The following BTBD9 variants were observed in gnomAD, a reference collection of about 807,000 sequenced individuals.
BTBD9 encodes the protein BTB/POZ domain-containing protein 9.
In BTBD9, 49 loss-of-function variants were observed where a neutral mutation model predicts 64.3. The observed-to-expected ratio is 0.76, with a 90% CI of 0.61 to 0.97. The LOEUF (loss-of-function observed/expected upper bound fraction) is 0.97, where lower values mean the gene tolerates loss of function less well. BTBD9 is among the 50% of genes least tolerant of loss of function. The pLI, the probability that BTBD9 is intolerant of heterozygous loss-of-function variation, is 0.00. For synonymous variants in BTBD9, 260 were observed against 274.7 expected, an observed-to-expected ratio of 0.95 and a Z score of 0.53; for missense variants, 598 against 762.1, an observed-to-expected ratio of 0.78 and a Z score of 2.53.
chr6:38,577,599 C>A lies in BTBD9; in HGVS notation c.1154+1G>T, dbSNP rs1179218838. On this transcript the variant is annotated splice_donor_variant, in intron 6 of 10. Transcript: ENST00000481247. LOFTEE classifies it high-confidence loss of function. ...TCATTTATTAACCACTGAAAACTAA[C>A]CTGCAGACACGGGCTGGAAAATATA... The A allele has an allele frequency of 6.2e-7, 1 of 1,604,174 alleles. No individual in the cohort carries two copies. The highest frequency in any genetic ancestry group is 1.1e-5 in the South Asian group (1 of 90,170).
intron 1 of BTBD9, among the ~76,000 whole-genome samples, chr6:38,609,361 C>T (rs546774003): frequency 6.6e-6 from 1 of 152,064 alleles, no homozygotes; most frequent in Non-Finnish European, 1.5e-5. Flanking sequence ...CAGGGCAAGA[C>T]CTTGTCTCAA....
intron 6 of BTBD9, among the ~76,000 whole-genome samples, chr6:38,518,602 A>G (rs567529046): frequency 1.3e-5 from 2 of 152,382 alleles, no homozygotes; most frequent in African/African-American, 4.8e-5. Context: ...TCTAAAAAAC[A>G]GAAAAGCCCA....
chr6:38,342,008 C>T (rs1406686283), intron 7 of BTBD9, among the ~76,000 whole-genome samples: 2 of 152,158 alleles, frequency 1.3e-5, no homozygotes, highest in Non-Finnish European at 2.9e-5. Context: ...GAAAGAACCC[C>T]TTTGGTGGGA....
At chr6:38,213,541 G>A (rs1271426768) in intron 9 of BTBD9, among the ~76,000 whole-genome samples, 2 of 152,130 alleles carry the variant, frequency 1.3e-5, no homozygotes, top group Admixed American at 6.5e-5. Context: ...GGCCCTTTCC[G>A]GGATCTGCAT....
In BTBD9 at chr6:38,580,229, G is replaced by A. The variant is rs760579110; in HGVS notation, c.1023C>T (p.Asp341=). Residue 341 remains aspartate, a synonymous_variant, in exon 5 of 11, where the codon GAC becomes GAT. Coordinates refer to ENST00000481247, the MANE Select transcript of BTBD9 (RefSeq NM_001099272.2). ...TGCTAATCACTTACCGGCTATCTCG[G>A]TCCCACAAGAGTATCCGTATGTGAT... is the stretch of plus-strand genomic sequence containing the variant. The part of the protein sequence containing the change: ...IINHIRILLW[D]RDSRSYSYFI... The A allele has an allele frequency of 8.7e-6, 14 of 1,613,510 alleles. No individual in the cohort carries two copies. In the Admixed American group the frequency reaches 2.3e-4, roughly 27 times the overall value.
intron 8 of BTBD9, among the ~76,000 whole-genome samples, chr6:38,260,605 T>A (rs539109325): frequency 6.6e-6 from 1 of 152,326 alleles, no homozygotes; most frequent in South Asian, 2.1e-4. Flanking sequence ...TGATAACATA[T>A]TTGAGGAAAA....
chr6:38,317,283 C>T (rs533411507), intron 7 of BTBD9, among the ~76,000 whole-genome samples: 8 of 152,292 alleles, frequency 5.3e-5, no homozygotes, highest in East Asian at 1.9e-4. Context: ...CATGAGCCAC[C>T]GTGCCTGACC....
At chr6:38,408,187 A>G (rs570113237) in intron 6 of BTBD9, among the ~76,000 whole-genome samples, 1 of 152,118 alleles carries the variant, frequency 6.6e-6, no homozygotes, top group East Asian at 1.9e-4. Context: ...TGAGACCCCC[A>G]TCTCAAAAGA....
At chr6:38,192,689 G>C in intron 9 of BTBD9, 92 bp from the exon 10 acceptor site, 1 of 1,153,554 alleles carries the variant, frequency 8.7e-7, no homozygotes, top group Non-Finnish European at 1.3e-6. Context: ...GAGGAGGGAG[G>C]GCTTCCTGTC....
chr6:38,190,187 C>G (rs1049021844), intron 10 of BTBD9, among the ~76,000 whole-genome samples: 6 of 151,688 alleles, frequency 4.0e-5, no homozygotes, highest in Admixed American at 1.3e-4. Flanking sequence ...GATTCCTGGC[C>G]CAGCGTGGTG....
At chr6:38,264,660 C>T (rs1169817414) in intron 8 of BTBD9, among the ~76,000 whole-genome samples, 1 of 152,176 alleles carries the variant, frequency 6.6e-6, no homozygotes, top group Non-Finnish European at 1.5e-5. Flanking sequence ...GGCTCCTTAT[C>T]GTCAGCTGTC....
At chr6:38,542,155 G>C (rs1774308570) in intron 6 of BTBD9, among the ~76,000 whole-genome samples, 1 of 152,070 alleles carries the variant, frequency 6.6e-6, no homozygotes, top group African/African-American at 2.4e-5. Context: ...CTCTCAATTT[G>C]TTATCTCTTG....
intron 9 of BTBD9, among the ~76,000 whole-genome samples, chr6:38,212,646 G>A (rs1011426468): frequency 2.0e-5 from 3 of 152,204 alleles, no homozygotes; most frequent in African/African-American, 7.2e-5. Flanking sequence ...GGAGGCTGGT[G>A]AGGGGAGGGA....
intron 6 of BTBD9, among the ~76,000 whole-genome samples, chr6:38,396,821 A>G (rs1260415654): frequency 2.0e-5 from 3 of 151,856 alleles, no homozygotes; most frequent in Non-Finnish European, 4.4e-5. Flanking sequence ...TGTTGATTAC[A>G]TGTTGAATTG....
intron 1 of BTBD9, among the ~76,000 whole-genome samples, chr6:38,638,800 G>C (rs1317638650): frequency 6.6e-6 from 1 of 152,164 alleles, no homozygotes; most frequent in Non-Finnish European, 1.5e-5. Flanking sequence ...TTAATCAACA[G>C]AAAGAAAAGA....
intron 7 of BTBD9, among the ~76,000 whole-genome samples, chr6:38,292,102 C>T (rs1761986753): frequency 1.3e-5 from 2 of 152,148 alleles, no homozygotes; most frequent in Non-Finnish European, 1.5e-5. Context: ...GCTGGGATTA[C>T]AGGCGGTTGC....
intron 8 of BTBD9, among the ~76,000 whole-genome samples, chr6:38,271,142 A>T (rs1765184156): frequency 1.3e-5 from 2 of 152,222 alleles, no homozygotes; most frequent in Admixed American, 1.3e-4. Context: ...CTTTAGCAGC[A>T]GAATCTCTTT....
At chr6:38,456,447 T>G (rs1377529197) in intron 6 of BTBD9, among the ~76,000 whole-genome samples, 1 of 152,248 alleles carries the variant, frequency 6.6e-6, no homozygotes, top group Non-Finnish European at 1.5e-5. Context: ...GGTTATACCA[T>G]ATTGCATTCT....
At chr6:38,415,682 A>G (rs984157076) in intron 6 of BTBD9, among the ~76,000 whole-genome samples, 2 of 152,180 alleles carry the variant, frequency 1.3e-5, no homozygotes, top group Non-Finnish European at 2.9e-5. Flanking sequence ...TATTACCTAA[A>G]TAACTTTCAA....
Sources: allele counts gnomAD v4.1 joint callset (sites outside exome capture counted in the v4.1 genomes callset), GRCh38; gene constraint gnomAD v4.1.1; transcripts MANE v1.5; gene names NCBI Gene and HGNC (gene_info 2026-07-23, HGNC 2026-07-21).